EYS: variants seen among roughly 807,000 people sequenced by gnomAD.
EYS encodes EGF-like photoreceptor maintenance factor, also known as protein eyes shut homolog.
EYS carries 250 observed loss-of-function variants against 282.1 expected under a neutral mutation model. The observed-to-expected ratio is 0.89, with a 90% confidence interval of 0.80 to 0.98. The LOEUF is 0.98. Ranked by LOEUF, EYS falls within the 50% of genes least tolerant of loss-of-function variation. EYS has a pLI of 0.00. For missense variants in EYS, 4,016 were observed against 3,709.0 expected (o/e 1.08, Z -2.15); for synonymous variants, 1,355 against 1,282.9 (o/e 1.06, Z -1.20).
chr6:65,361,640 T>C (rs1413109004), intron 8 of EYS, among the ~76,000 whole-genome samples: 1 of 151,998 alleles, frequency 6.6e-6, no homozygotes, highest in Non-Finnish European at 1.5e-5. Flanking sequence ...TGCACCACCA[T>C]GACTGGCTAT....
intron 1 of EYS, among the ~76,000 whole-genome samples, chr6:65,640,256 T>C (rs1183083179): frequency 6.6e-6 from 1 of 152,104 alleles, no homozygotes; most frequent in Non-Finnish European, 1.5e-5. Flanking sequence ...TGGAAAGAAA[T>C]GTTAGGGAAA....
In EYS at chr6:65,700,982, A is replaced by C. The variant is rs147012177; in HGVS notation, c.-448+6153T>G. On this transcript the variant is annotated intron_variant, in intron 1 of 42. Coordinates refer to ENST00000503581, the MANE Select transcript of EYS (RefSeq NM_001142800.2). ...GTTTCATATTGCTATACAGCATCTC[A>C]TAGTGTGATTTACTGTATTTTATTA... 8.5e-5 allele frequency among the ~76,000 whole-genome samples: 13 copies of C among 152,230 alleles called. No individual in the cohort carries two copies. In the East Asian group the frequency reaches 2.5e-3, roughly 29 times the overall value.
chr6:64,670,452 A>C (rs1175864641), intron 22 of EYS, among the ~76,000 whole-genome samples: 1 of 151,864 alleles, frequency 6.6e-6, no homozygotes, highest in African/African-American at 2.4e-5. Context: ...TAAATGAAAA[A>C]AAAACGTTAA....
At chr6:63,766,169 G>A (rs547259630) in intron 40 of EYS, among the ~76,000 whole-genome samples, 3 of 151,958 alleles carry the variant, frequency 2.0e-5, no homozygotes, top group Non-Finnish European at 4.4e-5. Context: ...TATAGACACT[G>A]TTGCAATAAC....
At chr6:65,368,230 T>C (rs1278633656) in intron 8 of EYS, among the ~76,000 whole-genome samples, 1 of 151,420 alleles carries the variant, frequency 6.6e-6, no homozygotes, top group East Asian at 1.9e-4. Context: ...CCATAACACA[T>C]GGGGATTATG....
chr6:64,847,885 C>A (rs1463199018), intron 19 of EYS, among the ~76,000 whole-genome samples: 1 of 152,078 alleles, frequency 6.6e-6, no homozygotes, highest in Non-Finnish European at 1.5e-5. Context: ...TCTATCAATG[C>A]TGATTGGAAA....
rs539104293 is a variant in EYS, at chr6:64,332,016, G to C, written c.6079-24934C>G. Among the ~76,000 whole-genome samples, 153 of 152,270 alleles carry C rather than the reference G, an allele frequency of 1.0e-3. 2 individuals are homozygous for C. Among genetic ancestry groups the C allele is most frequent in the Admixed American group, 2.4e-3 (37 of 15,300 alleles). On this transcript the variant is annotated intron_variant, in intron 29 of 42. Coordinates refer to ENST00000503581, the MANE Select transcript of EYS (RefSeq NM_001142800.2). The stretch of plus-strand genomic sequence containing the variant: ...GATCAGACAGTGGCCCAGTGTTTGT[G>C]GTAGAGATAGTACAACAGCTAACGC...
chr6:63,975,108 CAA>C (rs199610463), intron 35 of EYS, among the ~76,000 whole-genome samples: 1 of 126,814 alleles, frequency 7.9e-6, no homozygotes, highest in Non-Finnish European at 1.7e-5. Flanking sequence ...AGAAATGAGA[CAA>C]AAAAAAAAAA....
intron 13 of EYS, among the ~76,000 whole-genome samples, chr6:65,017,793 G>C (rs532737224): frequency 8.4e-4 from 128 of 152,038 alleles, no homozygotes; most frequent in Non-Finnish European, 2.8e-4. Flanking sequence ...ACAAATTAAA[G>C]CTTTAGCTTT....
At chr6:64,623,219 T>C in intron 23 of EYS, among the ~76,000 whole-genome samples, 1 of 152,164 alleles carries the variant, frequency 6.6e-6, no homozygotes, top group East Asian at 1.9e-4. Context: ...CTATTAACTA[T>C]AGGCATGATA....
intron 13 of EYS, among the ~76,000 whole-genome samples, chr6:65,040,175 C>T (rs571803390): frequency 4.5e-4 from 68 of 151,756 alleles, no homozygotes; most frequent in African/African-American, 1.0e-3. Flanking sequence ...TGTGAGGCTA[C>T]GCCAAAAAAT....
chr6:64,563,736 A>T (rs1053247701), intron 26 of EYS, among the ~76,000 whole-genome samples: 3 of 152,184 alleles, frequency 2.0e-5, no homozygotes, highest in Non-Finnish European at 4.4e-5. Context: ...AGTCTAATGA[A>T]ATATTCATAG....
intron 28 of EYS, among the ~76,000 whole-genome samples, chr6:64,419,371 T>A (rs1353536176): frequency 6.6e-6 from 1 of 152,080 alleles, no homozygotes; most frequent in African/African-American, 2.4e-5. Context: ...CCAAATCATA[T>A]CATTCTATCC....
At chr6:64,165,581 A>G (rs948839178) in intron 31 of EYS, among the ~76,000 whole-genome samples, 45 of 152,210 alleles carry the variant, frequency 3.0e-4, no homozygotes, top group Admixed American at 2.6e-4. Context: ...TATGTCCTCA[A>G]TTATGAATAA....
chr6:64,746,027 T>C (rs1476491140), intron 22 of EYS, among the ~76,000 whole-genome samples: 1 of 152,124 alleles, frequency 6.6e-6, no homozygotes, highest in Non-Finnish European at 1.5e-5. Flanking sequence ...ATTGAAAGTT[T>C]TATTTCTCAT....
At chr6:65,222,182 T>C (rs2150260086) in intron 12 of EYS, among the ~76,000 whole-genome samples, 1 of 152,216 alleles carries the variant, frequency 6.6e-6, no homozygotes, top group East Asian at 1.9e-4. Context: ...TTAGAAGACA[T>C]GATTGATTTT....
intron 1 of EYS, among the ~76,000 whole-genome samples, chr6:65,655,736 T>C (rs1249113982): frequency 6.6e-6 from 1 of 151,868 alleles, no homozygotes; most frequent in Non-Finnish European, 1.5e-5. Context: ...GCTGCAATCT[T>C]ATGATCAAAT....
At chr6:64,175,769 C>G (rs1027006140) in intron 31 of EYS, among the ~76,000 whole-genome samples, 1 of 152,116 alleles carries the variant, frequency 6.6e-6, no homozygotes, top group African/African-American at 2.4e-5. Context: ...CCAACGGCAA[C>G]TGTGGCTAGA....
At chr6:65,058,909 ACATT>A (rs1445324742) in intron 12 of EYS, among the ~76,000 whole-genome samples, 2 of 152,144 alleles carry the variant, frequency 1.3e-5, no homozygotes, top group Non-Finnish European at 2.9e-5. Flanking sequence ...TTGAATGGAA[ACATT>A]CCTTCTTTTT....
Sources: gnomAD v4.1 joint callset for allele counts (sites outside exome capture counted in the v4.1 genomes callset) on GRCh38, gnomAD v4.1.1 for gene constraint, MANE v1.5 for transcripts, NCBI Gene and HGNC (gene_info 2026-07-23, HGNC 2026-07-21) for gene names.